The following RSRC1 variants were observed in gnomAD, a reference collection of about 807,000 sequenced individuals.
RSRC1 encodes arginine and serine rich coiled-coil 1, also known as serine/Arginine-related protein 53.
In RSRC1, 39 loss-of-function variants were observed where a neutral mutation model predicts 49.1. The ratio of observed to expected loss-of-function variants is 0.79; its 90% CI spans 0.61 to 1.04. RSRC1 has a LOEUF of 1.04. RSRC1 is among the 50% of genes least tolerant of loss of function. The pLI is 0.00. For synonymous variants in RSRC1, 143 were observed against 130.8 expected (o/e 1.09, Z -0.63); for missense variants, 388 against 402.4 (o/e 0.96, Z 0.31).
At chr3:158,121,465 C>G (rs1188169553) in intron 1 of RSRC1, among the ~76,000 whole-genome samples, 2 of 152,124 alleles carry the variant, frequency 1.3e-5, no homozygotes, top group African/African-American at 4.8e-5. Flanking sequence ...ACTGATTTCT[C>G]AATAACCTCA....
chr3:158,518,411 G>T (rs1395962851), intron 7 of RSRC1, among the ~76,000 whole-genome samples: 1 of 148,370 alleles, frequency 6.7e-6, no homozygotes. Flanking sequence ...TTTCTTTATG[G>T]GTTAAAGGAC....
intron 3 of RSRC1, among the ~76,000 whole-genome samples, chr3:158,185,567 A>G (rs1719882447): frequency 6.6e-6 from 1 of 151,734 alleles, no homozygotes; most frequent in African/African-American, 2.4e-5. Flanking sequence ...TATTCATTCT[A>G]CTCCTATATT....
chr3:158,485,095 A>G (rs1738765225), intron 7 of RSRC1, among the ~76,000 whole-genome samples: 1 of 152,016 alleles, frequency 6.6e-6, no homozygotes, highest in African/African-American at 2.4e-5. Flanking sequence ...AGCAGTTTAC[A>G]TTATTCTTCC....
chr3:158,240,121 T>G (rs1347901431), intron 4 of RSRC1, among the ~76,000 whole-genome samples: 1 of 152,174 alleles, frequency 6.6e-6, no homozygotes, highest in Non-Finnish European at 1.5e-5. Context: ...AAACCAACTT[T>G]TTTCTATAAA....
intron 7 of RSRC1, among the ~76,000 whole-genome samples, chr3:158,477,796 ATT>A (rs1281083761): frequency 4.5e-5 from 2 of 44,550 alleles, no homozygotes; most frequent in African/African-American, 1.4e-4. Flanking sequence ...TGCGGGAGGG[ATT>A]TATATATATA....
At chr3:158,464,938 T>C (rs1737803909) in intron 7 of RSRC1, among the ~76,000 whole-genome samples, 1 of 152,136 alleles carries the variant, frequency 6.6e-6, no homozygotes, top group Non-Finnish European at 1.5e-5. Flanking sequence ...ATAGCCTGCA[T>C]AAATCACAAC....
At chr3:158,300,166 C>A (rs1520659) in intron 5 of RSRC1, among the ~76,000 whole-genome samples, 11,648 of 152,116 alleles carry the variant, frequency 0.077, 539 homozygotes, top group South Asian at 0.13. Flanking sequence ...AGGTCATATA[C>A]CTCAAATATA....
chr3:158,274,951 A>C (rs1441239043), intron 4 of RSRC1, among the ~76,000 whole-genome samples: 2 of 152,226 alleles, frequency 1.3e-5, no homozygotes, highest in African/African-American at 4.8e-5. Context: ...ATGTACTTAC[A>C]GTCAACTACT....
intron 5 of RSRC1, among the ~76,000 whole-genome samples, chr3:158,342,409 A>T (rs1730302142): frequency 6.6e-6 from 1 of 152,014 alleles, no homozygotes; most frequent in African/African-American, 2.4e-5. Flanking sequence ...ACGAGATCTG[A>T]TGAGTTTATC....
chr3:158,367,967 G>GT (rs1466530188), intron 6 of RSRC1, among the ~76,000 whole-genome samples: 1 of 152,034 alleles, frequency 6.6e-6, no homozygotes, highest in Non-Finnish European at 1.5e-5. Context: ...CTTAAAAAGT[G>GT]TAAGTTGTTT....
At chr3:158,206,996 C>T (rs1721377249) in intron 4 of RSRC1, among the ~76,000 whole-genome samples, 1 of 152,132 alleles carries the variant, frequency 6.6e-6, no homozygotes, top group African/African-American at 2.4e-5. Flanking sequence ...CATATATTAT[C>T]TCATTTAATA....
At chr3:158,324,408 G>T (rs1728949091) in intron 5 of RSRC1, among the ~76,000 whole-genome samples, 1 of 152,086 alleles carries the variant, frequency 6.6e-6, no homozygotes, top group African/African-American at 2.4e-5. Context: ...ACAGGCCCCG[G>T]TGTGTGATGT....
At chr3:158,342,917 G>A (rs1285107026) in intron 5 of RSRC1, among the ~76,000 whole-genome samples, 2 of 152,220 alleles carry the variant, frequency 1.3e-5, no homozygotes, top group Non-Finnish European at 2.9e-5. Context: ...ATGCTACAAA[G>A]AGGAGAAACC....
chr3:158,323,666 G>C (rs2693528), intron 5 of RSRC1, among the ~76,000 whole-genome samples: 87,592 of 151,960 alleles, frequency 0.58, 25,574 homozygotes, highest in East Asian at 0.74. Context: ...CAAGCAAGAA[G>C]ATCAAAACTT....
At chr3:158,419,331 T>C (rs1413655753) in intron 6 of RSRC1, among the ~76,000 whole-genome samples, 1 of 151,948 alleles carries the variant, frequency 6.6e-6, no homozygotes, top group Non-Finnish European at 1.5e-5. Context: ...ATGGAAAAAC[T>C]GATGCTCTAA....
intron 6 of RSRC1, among the ~76,000 whole-genome samples, chr3:158,375,969 A>G (rs1408094762): frequency 6.6e-6 from 1 of 151,620 alleles, no homozygotes; most frequent in Admixed American, 6.6e-5. Flanking sequence ...TTGCCAATCA[A>G]TATTTTAAGG....
intron 6 of RSRC1, among the ~76,000 whole-genome samples, chr3:158,449,251 T>G (rs1180334031): frequency 6.6e-6 from 1 of 151,896 alleles, no homozygotes; most frequent in Non-Finnish European, 1.5e-5. Context: ...AAAAAAAAAT[T>G]TAATAATGAA....
At chr3:158,170,285 T>G (rs987284744) in intron 3 of RSRC1, among the ~76,000 whole-genome samples, 1 of 147,898 alleles carries the variant, frequency 6.8e-6, no homozygotes, top group Non-Finnish European at 1.5e-5. Flanking sequence ...TTCTTTTATA[T>G]GTTAACCTCT....
chr3:158,119,894 T>C (rs971331588), intron 1 of RSRC1, among the ~76,000 whole-genome samples: 1 of 140,790 alleles, frequency 7.1e-6, no homozygotes, highest in Admixed American at 7.5e-5. Flanking sequence ...GCAATGGCAC[T>C]ATCTCGGCTC....
Sources: gnomAD v4.1 joint callset for allele counts (sites outside exome capture counted in the v4.1 genomes callset) on GRCh38, gnomAD v4.1.1 for gene constraint, MANE v1.5 for transcripts, NCBI Gene and HGNC (gene_info 2026-07-23, HGNC 2026-07-21) for gene names.